PDE11A: variants seen among roughly 807,000 people sequenced by gnomAD.
PDE11A encodes the protein phosphodiesterase 11A, also known as dual 3',5'-cyclic-AMP and -GMP phosphodiesterase 11A.
Under a neutral mutation model 100.5 loss-of-function variants are expected in PDE11A, and 100 were observed. The ratio of observed to expected loss-of-function variants is 1.00; its 90% CI spans 0.85 to 1.18. The LOEUF (loss-of-function observed/expected upper bound fraction) is 1.18. Ranked by LOEUF, PDE11A falls within the 50% of genes most tolerant of loss-of-function variation. The pLI, the probability that PDE11A is intolerant of heterozygous loss-of-function variation, is 0.00. For synonymous variants in PDE11A, 381 were observed against 420.8 expected (o/e 0.91, Z 1.16); for missense variants, 1,141 against 1,152.6 (o/e 0.99, Z 0.15).
chr2:177,955,566 AGGTCTGCAAT>A (rs1248262530), intron 2 of PDE11A, among the ~76,000 whole-genome samples: 1 of 152,234 alleles, frequency 6.6e-6, no homozygotes, highest in African/African-American at 2.4e-5. Context: ...AACAGCCAGT[AGGTCTGCAAT>A]GGCCTGAGAT....
intron 2 of PDE11A, among the ~76,000 whole-genome samples, chr2:178,004,976 T>G (rs1468009314): frequency 6.6e-6 from 1 of 152,112 alleles, no homozygotes; most frequent in East Asian, 1.9e-4. Context: ...AATAAGACAA[T>G]ACTTTCTTGA....
intron 9 of PDE11A, among the ~76,000 whole-genome samples, chr2:177,816,269 C>G (rs1041206230): frequency 6.6e-6 from 1 of 152,036 alleles, no homozygotes; most frequent in South Asian, 2.1e-4. Flanking sequence ...TGAGTCAAAA[C>G]AAGCGTCTGA....
chr2:177,934,837 A>G (rs2105766796), intron 2 of PDE11A, among the ~76,000 whole-genome samples: 1 of 152,350 alleles, frequency 6.6e-6, no homozygotes, highest in Non-Finnish European at 1.5e-5. Context: ...CTTTGCAGCA[A>G]CATGGATACA....
intron 1 of PDE11A, among the ~76,000 whole-genome samples, chr2:178,061,794 A>G (rs1198014179): frequency 2.0e-5 from 3 of 152,224 alleles, no homozygotes; most frequent in Non-Finnish European, 4.4e-5. Flanking sequence ...CTATATTGCT[A>G]CCTACAGGAA....
chr2:178,059,141 T>C (rs1323641222), intron 1 of PDE11A, among the ~76,000 whole-genome samples: 1 of 152,216 alleles, frequency 6.6e-6, no homozygotes, highest in African/African-American at 2.4e-5. Context: ...CCTGATGGGT[T>C]CTCAGCCTCT....
At chr2:178,046,769 T>C (rs1307700381) in intron 1 of PDE11A, among the ~76,000 whole-genome samples, 1 of 152,192 alleles carries the variant, frequency 6.6e-6, no homozygotes, top group African/African-American at 2.4e-5. Flanking sequence ...CAATTATTGC[T>C]CATATCAAGT....
chr2:178,035,995 T>C (rs2086608633), intron 1 of PDE11A, among the ~76,000 whole-genome samples: 1 of 152,178 alleles, frequency 6.6e-6, no homozygotes, highest in African/African-American at 2.4e-5. Context: ...ACCACTCCTA[T>C]TCAACATACT....
chr2:177,846,631 C>T (rs6758473), intron 5 of PDE11A, among the ~76,000 whole-genome samples: 33,268 of 152,102 alleles, frequency 0.22, 3,779 homozygotes, highest in Middle Eastern at 0.27. Flanking sequence ...GACACAGCCA[C>T]GTTTAGTTGT....
intron 1 of PDE11A, among the ~76,000 whole-genome samples, chr2:178,041,836 A>T (rs535655020): frequency 5.9e-5 from 9 of 152,302 alleles, no homozygotes; most frequent in African/African-American, 2.2e-4. Flanking sequence ...ACAATGTTTC[A>T]AGCATTATCC....
chr2:177,901,185 C>G (rs940530145), intron 3 of PDE11A, among the ~76,000 whole-genome samples: 1 of 152,030 alleles, frequency 6.6e-6, no homozygotes, highest in Non-Finnish European at 1.5e-5. Context: ...TTTTGCAGAC[C>G]CCGTACCTGA....
chr2:177,685,539 C>T (rs2105513039), intron 15 of PDE11A, among the ~76,000 whole-genome samples: 1 of 151,520 alleles, frequency 6.6e-6, no homozygotes, highest in East Asian at 1.9e-4. Context: ...GAAAACAAAT[C>T]CTTTTTTTCT....
chr2:177,675,562 T>TTG, intron 16 of PDE11A, 44 bp from the exon 17 acceptor site: 1 of 1,515,348 alleles, frequency 6.6e-7, no homozygotes, highest in Non-Finnish European at 9.2e-7. Context: ...AATCTTTTGT[T>TTG]GCATTCCTAA....
At chr2:177,990,728 A>G (rs2085992229) in intron 2 of PDE11A, among the ~76,000 whole-genome samples, 2 of 144,076 alleles carry the variant, frequency 1.4e-5, no homozygotes, top group African/African-American at 2.6e-5. Context: ...ACAGAGCGAG[A>G]CTCTGTCTCA....
intron 12 of PDE11A, among the ~76,000 whole-genome samples, chr2:177,717,291 C>A (rs2081453158): frequency 6.6e-6 from 1 of 151,952 alleles, no homozygotes; most frequent in African/African-American, 2.4e-5. Flanking sequence ...ACTAAGTGTC[C>A]TTTTGCCCCT....
chr2:177,879,583 C>T (rs181546234), intron 4 of PDE11A, among the ~76,000 whole-genome samples: 1 of 152,210 alleles, frequency 6.6e-6, no homozygotes, highest in East Asian at 1.9e-4. Flanking sequence ...AAAACTAGTG[C>T]TCCCTGGAAA....
At chr2:177,771,055 C>T (rs2082304816) in intron 9 of PDE11A, among the ~76,000 whole-genome samples, 2 of 152,168 alleles carry the variant, frequency 1.3e-5, no homozygotes, top group Admixed American at 6.5e-5. Context: ...TCTGAAACTC[C>T]TGGGTTCAAG....
chr2:177,760,239 T>A (rs182651959), intron 10 of PDE11A, among the ~76,000 whole-genome samples: 1 of 152,354 alleles, frequency 6.6e-6, no homozygotes. Flanking sequence ...TACCTGTTTT[T>A]ATACACTGCA....
At chr2:177,744,192 T>C (rs1227783189) in intron 10 of PDE11A, among the ~76,000 whole-genome samples, 2 of 152,026 alleles carry the variant, frequency 1.3e-5, no homozygotes, top group African/African-American at 2.4e-5. Flanking sequence ...AATAAAGGGA[T>C]GTGTGCAAGA....
chr2:177,898,048 G>T lies in PDE11A; in HGVS notation c.1302+10C>A. 2 of 1,602,042 alleles carry T rather than the reference G, an allele frequency of 1.2e-6. No individual in the cohort carries two copies. Among genetic ancestry groups the T allele is most frequent in the African/African-American group, 2.7e-5 (2 of 74,840 alleles). Reference sequence around the variant, plus strand: ...CAGTCTTCAACTTTAAAAGATAAAAGATAACTTACTGGTGATTCGATGTCC... The same window carrying T: ...CAGTCTTCAACTTTAAAAGATAAAATATAACTTACTGGTGATTCGATGTCC... On this transcript the variant is annotated intron_variant, in intron 4 of 19. Coordinates refer to ENST00000286063, the MANE Select transcript of PDE11A (RefSeq NM_016953.4).
Sources: allele counts gnomAD v4.1 joint callset (sites outside exome capture counted in the v4.1 genomes callset), GRCh38; gene constraint gnomAD v4.1.1; transcripts MANE v1.5; gene names NCBI Gene and HGNC (gene_info 2026-07-23, HGNC 2026-07-21).